Variants in LIPA observed in about 807,000 individuals in gnomAD.
LIPA encodes lysosomal acid lipase/cholesteryl ester hydrolase.
A neutral mutation model predicts 40.6 loss-of-function variants in LIPA; 26 were observed. The ratio of observed to expected loss-of-function variants is 0.64; its 90% CI spans 0.47 to 0.89. The LOEUF (loss-of-function observed/expected upper bound fraction) is 0.89, where lower values mean the gene tolerates loss of function less well. LIPA is among the 40% of genes least tolerant of loss of function. The pLI, the probability that LIPA is intolerant of heterozygous loss-of-function variation, is 0.00. For missense variants in LIPA, 455 were observed against 479.6 expected (o/e 0.95, Z 0.48); for synonymous variants, 188 against 168.4 (o/e 1.12, Z -0.90).
chr10:89,396,262 G>T (rs1844341018), intron 2 of LIPA, among the ~76,000 whole-genome samples: 1 of 152,138 alleles, frequency 6.6e-6, no homozygotes, highest in Non-Finnish European at 1.5e-5. Flanking sequence ...TATTGCCTTA[G>T]TCCTTTTTGT....
At position 89,223,816 on chromosome 10, in the gene LIPA, G is replaced by A. The variant is rs1409978506; in HGVS notation, c.690C>T (p.Asp230=). 1.2e-6 allele frequency: 2 copies of A among 1,614,072 alleles called. No individual in the cohort carries two copies. Among genetic ancestry groups the A allele is most frequent in the Non-Finnish European group, 1.7e-6 (2 of 1,179,980 alleles). ...PDHLIKDLFG[D]KEFLPQSAFL... Reference sequence around the variant, plus strand: ...ACGCACTCTGGGGAAGAAATTCTTTGTCTCCAAATAAGTCCTACAAAATAA... The same window carrying A: ...ACGCACTCTGGGGAAGAAATTCTTTATCTCCAAATAAGTCCTACAAAATAA... The change falls in exon 7 of 10, where the codon GAC becomes GAT. Residue 230 remains aspartate (D), a synonymous_variant. Transcript: ENST00000336233.
intron 2 of LIPA, chr10:89,404,037 C>T (rs1263340925): frequency 2.7e-5 from 5 of 186,872 alleles, no homozygotes; most frequent in African/African-American, 4.8e-5. Context: ...ATCCTTAGCT[C>T]CTCCACCAAC....
At chr10:89,339,523 A>G in intron 1 of LIPA, 1 of 1,614,182 alleles carries the variant, frequency 6.2e-7, no homozygotes, top group East Asian at 2.2e-5. Flanking sequence ...GGCAAAAGTA[A>G]GACAAATGCA....
At chr10:89,266,923 T>C (rs534165422) in intron 1 of LIPA, among the ~76,000 whole-genome samples, 2 of 152,368 alleles carry the variant, frequency 1.3e-5, no homozygotes, top group East Asian at 1.9e-4. Context: ...AAGATTACCA[T>C]GCAACATGCT....
At chr10:89,257,097 C>T (rs530402783) in intron 1 of LIPA, among the ~76,000 whole-genome samples, 26 of 152,272 alleles carry the variant, frequency 1.7e-4, no homozygotes, top group African/African-American at 2.6e-4. Context: ...TCCTTGGCTA[C>T]GAGGATCAAT....
Position 89,317,612 on chromosome 10 carries a change from C to T in LIPA, c.-2+24999G>A, listed in dbSNP as rs538314166. Reference sequence around the variant, plus strand: ...CTGACTGGTGTACCTGAAAGTGACACGGAGAATGGAACCAAGTTGGAAAAC... The same window carrying T: ...CTGACTGGTGTACCTGAAAGTGACATGGAGAATGGAACCAAGTTGGAAAAC... On this transcript the variant is annotated intron_variant, in intron 1 of 5. Transcript: ENST00000282673. Among the ~76,000 whole-genome samples the T allele has an allele frequency of 2.6e-5, 4 of 152,228 alleles. No individual in the cohort carries two copies. In the East Asian group the frequency reaches 5.8e-4, roughly 22 times the overall value.
rs529683772 is a variant in LIPA, at chr10:89,305,549, T to A, written c.-2+37062A>T. On this transcript the variant is annotated intron_variant, in intron 1 of 5. Transcript: ENST00000282673. ...AGAATAAAAAATTATAAAGCTGAAA[T>A]TTTCAAAGTACAAAAGTAAAGCTAG... Among the ~76,000 whole-genome samples, 22 of 152,090 alleles carry A rather than the reference T, an allele frequency of 1.4e-4. 2 individuals are homozygous for A. In the South Asian group the frequency reaches 4.4e-3, roughly 30 times the overall value.
intron 1 of LIPA, among the ~76,000 whole-genome samples, chr10:89,249,609 C>T (rs373084607): frequency 6.6e-6 from 1 of 151,844 alleles, no homozygotes; most frequent in East Asian, 1.9e-4. Context: ...AATAATTATG[C>T]CAAAAGAAGC....
Position 89,225,162 on chromosome 10 carries a change from G to A in LIPA, c.605C>T (p.Pro202Leu), listed in dbSNP as rs1393039920. Residue 202 changes from proline to leucine, a missense_variant, in exon 6 of 10, where the codon CCT becomes CTT. Coordinates refer to ENST00000336233, the MANE Select transcript of LIPA (RefSeq NM_000235.4). ...AGTACAGAAGGCGACGGAAGCCACA[G>A]GACCCAGGGCAAAAAACATTTTAAT... is the stretch of plus-strand genomic sequence containing the variant. The part of the protein sequence containing the change: ...KRIKMFFALG[P>L]VASVAFCTSP... 6.2e-7 allele frequency: 1 copy of A among 1,614,082 alleles called. No homozygotes were observed. The highest frequency in any genetic ancestry group is 8.5e-7 in the Non-Finnish European group (1 of 1,180,024).
intron 2 of LIPA, among the ~76,000 whole-genome samples, chr10:89,401,984 A>G (rs1036742083): frequency 8.5e-5 from 13 of 152,200 alleles, no homozygotes; most frequent in African/African-American, 2.7e-4. Context: ...CTTGACACAT[A>G]TAAGTTTATT....
chr10:89,222,679 G>C, intron 7 of LIPA, 97 bp from the exon 8 acceptor site: 3 of 823,618 alleles, frequency 3.6e-6, no homozygotes, highest in Non-Finnish European at 2.1e-6. Flanking sequence ...CTAAAAACTA[G>C]AGCCATAATC....
intron 2 of LIPA, among the ~76,000 whole-genome samples, chr10:89,398,680 T>C (rs1220912501): frequency 6.6e-6 from 1 of 152,250 alleles, no homozygotes; most frequent in Non-Finnish European, 1.5e-5. Flanking sequence ...CCTTCAAAGT[T>C]TATCCATGTT....
Position 89,226,888 on chromosome 10 carries a change from T to C in LIPA, c.538+7A>G. The C allele has an allele frequency of 6.9e-7, 1 of 1,445,426 alleles. No individual in the cohort carries two copies. Among genetic ancestry groups the C allele is most frequent in the Non-Finnish European group, 9.7e-7 (1 of 1,026,958 alleles). The allele number at this position is 1,445,426 out of a possible 1,614,324, so 89.5% of individuals were successfully genotyped here. On this transcript the variant is annotated splice_region_variant and intron_variant, in intron 5 of 9. Coordinates refer to ENST00000336233, the MANE Select transcript of LIPA (RefSeq NM_000235.4). ...ATATCAACTTCTGATCTTATTTACA[T>C]ACATACCTATAGTGGTGCCTTGAGA...
chr10:89,364,628 C>A (rs995194137), intron 2 of LIPA, among the ~76,000 whole-genome samples: 3 of 149,694 alleles, frequency 2.0e-5, no homozygotes, highest in Non-Finnish European at 4.4e-5. Flanking sequence ...CGAAATAGTT[C>A]TAAAGTATTC....
intron 5 of LIPA, among the ~76,000 whole-genome samples, chr10:89,225,888 C>T (rs1229187611): frequency 6.6e-6 from 1 of 152,114 alleles, no homozygotes; most frequent in African/African-American, 2.4e-5. Flanking sequence ...CCTCACTTGG[C>T]TCTCACTCTC....
chr10:89,291,646 G>A (rs1478224206), intron 1 of LIPA, among the ~76,000 whole-genome samples: 1 of 152,128 alleles, frequency 6.6e-6, no homozygotes, highest in Non-Finnish European at 1.5e-5. Flanking sequence ...ACCATGAGCT[G>A]AGTGCAATGA....
At chr10:89,377,357 A>G (rs1205168906) in intron 2 of LIPA, among the ~76,000 whole-genome samples, 1 of 152,200 alleles carries the variant, frequency 6.6e-6, no homozygotes, top group Non-Finnish European at 1.5e-5. Context: ...TACATTGCAT[A>G]TGTTTCTCTA....
At chr10:89,306,652 A>G (rs768804603) in intron 1 of LIPA, 1 of 1,614,146 alleles carries the variant, frequency 6.2e-7, no homozygotes, top group South Asian at 1.1e-5. Flanking sequence ...AAGGTGAAGG[A>G]GAGAAGTTAG....
At chr10:89,290,861 G>C (rs1843369928) in intron 1 of LIPA, among the ~76,000 whole-genome samples, 1 of 152,176 alleles carries the variant, frequency 6.6e-6, no homozygotes, top group Non-Finnish European at 1.5e-5. Context: ...CTCACACAAA[G>C]CCTGTTTGGT....
Sources: gnomAD v4.1 joint callset for allele counts (sites outside exome capture counted in the v4.1 genomes callset) on GRCh38, gnomAD v4.1.1 for gene constraint, MANE v1.5 for transcripts, NCBI Gene and HGNC (gene_info 2026-07-23, HGNC 2026-07-21) for gene names.